The following RBFOX1 variants were observed in gnomAD, a reference collection of about 807,000 sequenced individuals.
RBFOX1 encodes the protein RNA binding protein fox-1 homolog 1.
In RBFOX1, 8 loss-of-function variants were observed where a neutral mutation model predicts 57.7. That is an observed-to-expected ratio of 0.14 (90% CI 0.08 to 0.25). The LOEUF (loss-of-function observed/expected upper bound fraction) is 0.25, where lower values mean the gene tolerates loss of function less well. RBFOX1 is among the 10% of genes least tolerant of loss of function. The pLI, the probability that RBFOX1 is intolerant of heterozygous loss-of-function variation, is 1.00. For synonymous variants in RBFOX1, 326 were observed against 222.4 expected (o/e 1.47, Z -4.15); for missense variants, 611 against 548.5 (o/e 1.11, Z -1.14).
At chr16:7,315,302 A>G (rs774826797) in intron 4 of RBFOX1, among the ~76,000 whole-genome samples, 36 of 152,156 alleles carry the variant, frequency 2.4e-4, no homozygotes, top group Non-Finnish European at 4.3e-4. Context: ...ATTTTTGTCT[A>G]TGATAAAATC....
intron 6 of RBFOX1, among the ~76,000 whole-genome samples, chr16:7,581,507 G>C (rs1248784954): frequency 6.6e-6 from 1 of 152,036 alleles, no homozygotes; most frequent in African/African-American, 2.4e-5. Flanking sequence ...TGACCGTCCT[G>C]ACACTCTTTC....
chr16:7,071,922 T>G (rs1447358166), intron 4 of RBFOX1, among the ~76,000 whole-genome samples: 1 of 152,156 alleles, frequency 6.6e-6, no homozygotes, highest in Non-Finnish European at 1.5e-5. Flanking sequence ...TCTTCACTAC[T>G]ACATCTTTTT....
At position 6,048,529 on chromosome 16, in the gene RBFOX1, A is replaced by T. The variant is rs2054804; in HGVS notation, c.-127+28537A>T. ...CCTTTTCAAATGATGCATCGTGGAA[A>T]GGTTATTATTAATAAAGGTAGCATT... On this transcript the variant is annotated intron_variant, in intron 1 of 15. Coordinates refer to ENST00000550418, the MANE Select transcript of RBFOX1 (RefSeq NM_018723.4). 2.2e-3 allele frequency among the ~76,000 whole-genome samples: 330 copies of T among 152,310 alleles called. 2 individuals carry two copies. The highest frequency in any genetic ancestry group is 7.5e-3 in the African/African-American group (313 of 41,576).
rs868390736 is a variant in RBFOX1 at position 7,352,123 on chromosome 16, C to G, written c.28-166024C>G. On this transcript the variant is annotated intron_variant, in intron 4 of 15. Transcript: ENST00000550418. ...TCATTTCCACTTGATTGTCAAAGCA[C>G]CCCACGGCAGAAACATACTAAAGGA... Among the ~76,000 whole-genome samples, 4 of 152,220 alleles carry G rather than the reference C, an allele frequency of 2.6e-5. No homozygotes were observed. The Middle Eastern group carries it at 0.014, about 518-fold the overall frequency.
intron 1 of RBFOX1, among the ~76,000 whole-genome samples, chr16:6,033,111 G>A (rs935146029): frequency 2.6e-5 from 4 of 152,160 alleles, no homozygotes; most frequent in African/African-American, 7.2e-5. Context: ...CGTGAGCACA[G>A]CAAATTGCGT....
chr16:5,279,648 C>G (rs1454954647), intron 1 of RBFOX1, among the ~76,000 whole-genome samples: 1 of 152,058 alleles, frequency 6.6e-6, no homozygotes, highest in Non-Finnish European at 1.5e-5. Flanking sequence ...ATTACAGGCA[C>G]CTACCACCAT....
chr16:7,693,223 T>TCCCTC (rs1164833272), intron 14 of RBFOX1: 14 of 1,021,952 alleles, frequency 1.4e-5, no homozygotes, highest in East Asian at 4.8e-5. Context: ...GCAGCACCCT[T>TCCCTC]CCCTCCCCTC....
chr16:7,236,073 A>G (rs986605830), intron 4 of RBFOX1, among the ~76,000 whole-genome samples: 20 of 152,200 alleles, frequency 1.3e-4, no homozygotes, highest in African/African-American at 3.1e-4. Flanking sequence ...GTTATTGTCT[A>G]TCTGGACTTA....
intron 3 of RBFOX1, among the ~76,000 whole-genome samples, chr16:5,820,527 C>A (rs1196969017): frequency 6.6e-6 from 1 of 152,166 alleles, no homozygotes; most frequent in Non-Finnish European, 1.5e-5. Context: ...CCCACCCCAG[C>A]TTCTTTTCAT....
At chr16:6,719,394 C>G (rs933634535) in intron 3 of RBFOX1, among the ~76,000 whole-genome samples, 5 of 151,790 alleles carry the variant, frequency 3.3e-5, no homozygotes, top group African/African-American at 1.2e-4. Flanking sequence ...ATAACTATTA[C>G]TAATAGTTTA....
At chr16:6,169,864 A>G (rs2096945651) in intron 1 of RBFOX1, among the ~76,000 whole-genome samples, 1 of 150,738 alleles carries the variant, frequency 6.6e-6, no homozygotes. Flanking sequence ...ACCTGGGTTC[A>G]AGTGATTCTC....
chr16:7,535,723 A>C (rs1268155458), intron 5 of RBFOX1, among the ~76,000 whole-genome samples: 2 of 152,214 alleles, frequency 1.3e-5, no homozygotes, highest in Admixed American at 1.3e-4. Flanking sequence ...TATGTATCAC[A>C]CATACATTAA....
intron 3 of RBFOX1, among the ~76,000 whole-genome samples, chr16:5,682,607 G>A (rs2050374709): frequency 6.6e-6 from 1 of 152,148 alleles, no homozygotes; most frequent in Non-Finnish European, 1.5e-5. Context: ...TATCCCCATT[G>A]TACAGATCAT....
intron 2 of RBFOX1, among the ~76,000 whole-genome samples, chr16:6,361,828 G>A (rs140688340): frequency 4.8e-4 from 73 of 152,266 alleles, no homozygotes; most frequent in African/African-American, 1.7e-3. Flanking sequence ...CACTGGGCTG[G>A]AGGAGTGCTA....
chr16:5,852,081 C>T (rs148903915), intron 3 of RBFOX1, among the ~76,000 whole-genome samples: 1 of 152,304 alleles, frequency 6.6e-6, no homozygotes, highest in Non-Finnish European at 1.5e-5. Flanking sequence ...GTTAAAAGTA[C>T]TGAGAACAGC....
At chr16:7,162,894 A>G (rs1248964822) in intron 4 of RBFOX1, among the ~76,000 whole-genome samples, 1 of 152,176 alleles carries the variant, frequency 6.6e-6, no homozygotes. Flanking sequence ...TCCTCCTTCC[A>G]AATGCATGTT....
chr16:5,645,847 T>A (rs893614924), intron 3 of RBFOX1, among the ~76,000 whole-genome samples: 12 of 152,254 alleles, frequency 7.9e-5, no homozygotes, highest in African/African-American at 2.9e-4. Context: ...TTTAAAAAAA[T>A]TTCATAGACA....
intron 3 of RBFOX1, among the ~76,000 whole-genome samples, chr16:6,954,844 C>T (rs1418814934): frequency 6.6e-6 from 1 of 152,094 alleles, no homozygotes; most frequent in African/African-American, 2.4e-5. Flanking sequence ...AACTTTATAA[C>T]CTTGGGCAAG....
chr16:7,375,183 A>T (rs940163440), intron 4 of RBFOX1, among the ~76,000 whole-genome samples: 1 of 152,238 alleles, frequency 6.6e-6, no homozygotes, highest in African/African-American at 2.4e-5. Context: ...CTACCCTATG[A>T]TAAAGATTCT....
Sources: gnomAD v4.1 joint callset for allele counts (sites outside exome capture counted in the v4.1 genomes callset) on GRCh38, gnomAD v4.1.1 for gene constraint, MANE v1.5 for transcripts, NCBI Gene and HGNC (gene_info 2026-07-23, HGNC 2026-07-21) for gene names.